Variants in MAML3 observed in about 807,000 individuals in gnomAD.
MAML3 encodes the protein mastermind-like protein 3.
Under a neutral mutation model 101.9 loss-of-function variants are expected in MAML3, and 27 were observed. The ratio of observed to expected loss-of-function variants is 0.27; its 90% CI spans 0.20 to 0.37. The LOEUF (loss-of-function observed/expected upper bound fraction) is 0.37. Among genes scored for constraint, MAML3 ranks in the 10% least tolerant of loss-of-function variants. The pLI is 1.00. For missense variants in MAML3, 1,316 were observed against 1,444.9 expected, an observed-to-expected ratio of 0.91 and a Z score of 1.45; for synonymous variants, 501 against 555.9, an observed-to-expected ratio of 0.90 and a Z score of 1.39.
At chr4:140,136,162 G>A (rs1728879971) in intron 1 of MAML3, among the ~76,000 whole-genome samples, 1 of 152,088 alleles carries the variant, frequency 6.6e-6, no homozygotes, top group Non-Finnish European at 1.5e-5. Context: ...CCTGGGAGGG[G>A]CTTCCTTCAA....
intron 2 of MAML3, among the ~76,000 whole-genome samples, chr4:139,813,739 C>T (rs964744269): frequency 2.6e-5 from 4 of 152,084 alleles, no homozygotes; most frequent in Non-Finnish European, 4.4e-5. Context: ...AGCAAAGGCT[C>T]GGGGTGCCGG....
intron 1 of MAML3, among the ~76,000 whole-genome samples, chr4:140,072,540 C>T (rs187398002): frequency 4.0e-3 from 614 of 152,050 alleles, no homozygotes; most frequent in African/African-American, 5.2e-3. Context: ...CATGGTGGCG[C>T]GTGCCTGTAA....
intron 1 of MAML3, among the ~76,000 whole-genome samples, chr4:140,113,131 CAGCTGGGCATGG>C (rs1728465367): frequency 6.6e-6 from 1 of 151,838 alleles, no homozygotes; most frequent in Non-Finnish European, 1.5e-5. Context: ...TAGAAAAAAT[CAGCTGGGCATGG>C]TGGCGGGTGC....
Position 139,719,259 on chromosome 4 carries a change from C to T in MAML3, c.*64G>A. 6 of 1,503,808 alleles carry T rather than the reference C, an allele frequency of 4.0e-6. No homozygotes were observed. The South Asian group carries it at 8.2e-5, about 21-fold the overall frequency. 93.2% of individuals were successfully genotyped at this position (1,503,808 alleles called of 1,614,324 possible). A position where few individuals can be genotyped will look rare whatever the true frequency, so the allele number is the denominator to read the frequency against. On this transcript the variant is annotated 3_prime_UTR_variant, in exon 5 of 5. Transcript: ENST00000509479. ...ACAAAAAACAAGGATGGGTCAACAT[C>T]CTGTTTCTTTTTCACTTTTTAAGCT... is the stretch of plus-strand genomic sequence containing the variant.
chr4:139,921,433 A>C (rs769649), intron 1 of MAML3, among the ~76,000 whole-genome samples: 10,077 of 152,022 alleles, frequency 0.066, 1,057 homozygotes, highest in African/African-American at 0.23. Flanking sequence ...CACAAATTCA[A>C]CACCACCATT....
At chr4:139,830,608 G>A (rs1327976531) in intron 2 of MAML3, among the ~76,000 whole-genome samples, 1 of 151,792 alleles carries the variant, frequency 6.6e-6, no homozygotes, top group Non-Finnish European at 1.5e-5. Flanking sequence ...TAGAGACGGG[G>A]TTTCACTGTG....
chr4:140,137,240 G>A (rs13113777), intron 1 of MAML3, among the ~76,000 whole-genome samples: 23,627 of 151,414 alleles, frequency 0.16, 2,684 homozygotes, highest in African/African-American at 0.32. Flanking sequence ...CGCCCACCTC[G>A]GCCTCCCAAA....
At chr4:139,748,417 A>C (rs545107269) in intron 2 of MAML3, among the ~76,000 whole-genome samples, 54 of 152,334 alleles carry the variant, frequency 3.5e-4, no homozygotes, top group Non-Finnish European at 6.5e-4. Flanking sequence ...AAAGAAGTGG[A>C]GCTCAGATTG....
intron 2 of MAML3, among the ~76,000 whole-genome samples, chr4:139,827,035 C>T (rs1731073467): frequency 6.6e-6 from 1 of 152,120 alleles, no homozygotes; most frequent in Admixed American, 6.5e-5. Context: ...AGAAAAGGAT[C>T]TGGCTAAAGC....
chr4:140,089,885 A>G (rs1728015452), intron 1 of MAML3, among the ~76,000 whole-genome samples: 1 of 152,218 alleles, frequency 6.6e-6, no homozygotes, highest in African/African-American at 2.4e-5. Flanking sequence ...GGCCTCCCAA[A>G]GTGCTGGGAT....
At chr4:139,949,034 T>A (rs1215009655) in intron 1 of MAML3, among the ~76,000 whole-genome samples, 1 of 152,170 alleles carries the variant, frequency 6.6e-6, no homozygotes, top group Non-Finnish European at 1.5e-5. Context: ...TTTTGTTTTT[T>A]GAGACAGAGT....
intron 1 of MAML3, among the ~76,000 whole-genome samples, chr4:140,070,809 C>A (rs1029678443): frequency 2.0e-5 from 3 of 152,210 alleles, no homozygotes; most frequent in Non-Finnish European, 2.9e-5. Context: ...TGCACACACA[C>A]AAATGACTTT....
intron 1 of MAML3, among the ~76,000 whole-genome samples, chr4:139,929,906 C>CAAA (rs1733345607): frequency 6.6e-6 from 1 of 152,122 alleles, no homozygotes; most frequent in Non-Finnish European, 1.5e-5. Context: ...AACTGCAGAC[C>CAAA]CGTCAGCTAT....
intron 1 of MAML3, among the ~76,000 whole-genome samples, chr4:140,124,129 C>G (rs1728650546): frequency 6.6e-6 from 1 of 152,212 alleles, no homozygotes; most frequent in Admixed American, 6.5e-5. Flanking sequence ...CCTTACCTAA[C>G]CTTGCCCTTT....
intron 1 of MAML3, among the ~76,000 whole-genome samples, chr4:140,114,907 ATGAG>A (rs1728492279): frequency 1.3e-5 from 2 of 152,238 alleles, no homozygotes; most frequent in Non-Finnish European, 2.9e-5. Context: ...CAAATATTGA[ATGAG>A]TGTTAAAATT....
chr4:139,815,198 A>G (rs1730872740), intron 2 of MAML3, among the ~76,000 whole-genome samples: 1 of 152,244 alleles, frequency 6.6e-6, no homozygotes, highest in African/African-American at 2.4e-5. Flanking sequence ...CTTAGTATCC[A>G]TAACATGGAT....
intron 2 of MAML3, among the ~76,000 whole-genome samples, chr4:139,877,348 C>A (rs1406679361): frequency 6.6e-6 from 1 of 151,830 alleles, no homozygotes; most frequent in Non-Finnish European, 1.5e-5. Context: ...CCCCCACCCC[C>A]CGAAGAGTAT....
intron 1 of MAML3, among the ~76,000 whole-genome samples, chr4:139,955,216 T>C (rs1733896051): frequency 6.6e-6 from 1 of 152,208 alleles, no homozygotes; most frequent in African/African-American, 2.4e-5. Context: ...ACTAAATAGA[T>C]GCTTATTCCC....
At chr4:139,896,858 G>T (rs988242552) in intron 1 of MAML3, among the ~76,000 whole-genome samples, 1 of 152,148 alleles carries the variant, frequency 6.6e-6, no homozygotes, top group African/African-American at 2.4e-5. Context: ...GTTCTACAGG[G>T]AAAGGGGCAG....
Sources: gnomAD v4.1 joint callset for allele counts (sites outside exome capture counted in the v4.1 genomes callset) on GRCh38, gnomAD v4.1.1 for gene constraint, MANE v1.5 for transcripts, NCBI Gene and HGNC (gene_info 2026-07-23, HGNC 2026-07-21) for gene names.